The following OR6J1 variants were observed in gnomAD, a reference collection of about 807,000 sequenced individuals.
OR6J1 encodes the protein olfactory receptor family 6 subfamily J member 1, also known as olfactory receptor 6J1.
For missense variants in OR6J1, 304 were observed against 166.8 expected, an observed-to-expected ratio of 1.82 and a Z score of -4.53; for synonymous variants, 109 against 70.0, an observed-to-expected ratio of 1.56 and a Z score of -2.78.
In OR6J1 at chr14:22,633,335, T is replaced by TTACA. The variant is rs59307869; in HGVS notation, c.*432_*433insTGTA. 36,149 of 157,576 alleles carry TTACA rather than the reference T, an allele frequency of 0.23. 4,446 individuals are homozygous for TTACA. Among genetic ancestry groups the TTACA allele is most frequent in the African/African-American group, 0.32 (13,322 of 41,094 alleles). The allele number at this position is 157,576 out of a possible 1,614,324, so 9.8% of individuals were successfully genotyped here. Reference sequence around the variant, plus strand: ...TCATTGCAAATGCCCGAAAAAAAAATGGATATGATAGTGGATTAGAGAATA... The same window carrying TTACA: ...TCATTGCAAATGCCCGAAAAAAAAATTACAGGATATGATAGTGGATTAGAGAATA... On this transcript the variant is annotated 3_prime_UTR_variant, in exon 2 of 2. Coordinates refer to ENST00000540461, the MANE Select transcript of OR6J1 (RefSeq NM_001348233.2).
Position 22,643,270 on chromosome 14 carries a change from A to AT in OR6J1, c.-28+827dup, listed in dbSNP as rs558796354. Among the ~76,000 whole-genome samples the AT allele has an allele frequency of 3.1e-4, 46 of 147,564 alleles. No individual in the cohort carries two copies. The East Asian group carries it at 5.8e-3, about 19-fold the overall frequency. ...GGCGTGAGCCACCGTGCCTAGCCTA[A>AT]TTTTTTTTTTAATTAGAAAATAATT... On this transcript the variant is annotated intron_variant, in intron 1 of 1. Coordinates refer to ENST00000540461, the MANE Select transcript of OR6J1 (RefSeq NM_001348233.2).
At position 22,634,528 on chromosome 14, in the gene OR6J1, C is replaced by A. The variant is rs2037570332; in HGVS notation, c.284G>T (p.Gly95Val). 2 of 703,864 alleles carry A rather than the reference C, an allele frequency of 2.8e-6. No individual in the cohort carries two copies. 43.6% of individuals were successfully genotyped at this position (703,864 alleles called of 1,614,324 possible). Reference sequence around the variant, plus strand: ...GTAGAAATAGCACTGGGTGATACATCCGGCAAAGGAGATGGTTTTATCCCT... The same window carrying A: ...GTAGAAATAGCACTGGGTGATACATACGGCAAAGGAGATGGTTTTATCCCT... Reference protein sequence around the residue: ...GSRDKTISFAGCITQCYFYFF... With the variant: ...GSRDKTISFAVCITQCYFYFF... The change falls in exon 2 of 2, where the codon GGA becomes GTA. Residue 95 changes from glycine (G) to valine (V), a missense_variant. Coordinates refer to ENST00000540461, the MANE Select transcript of OR6J1 (RefSeq NM_001348233.2).
intron 1 of OR6J1, among the ~76,000 whole-genome samples, chr14:22,637,856 A>G (rs1163574678): frequency 2.4e-4 from 2 of 8,232 alleles, no homozygotes; most frequent in African/African-American, 1.0e-3. Flanking sequence ...TCCGGGAGGG[A>G]GGCGGGGGGG....
At chr14:22,636,773 C>T (rs1245130173) in intron 1 of OR6J1, among the ~76,000 whole-genome samples, 1 of 118,100 alleles carries the variant, frequency 8.5e-6, no homozygotes, top group African/African-American at 4.8e-5. Context: ...ACAGCCTCCA[C>T]CTCCCAGCCG....
intron 1 of OR6J1, among the ~76,000 whole-genome samples, chr14:22,640,332 T>G (rs1236734140): frequency 8.1e-3 from 475 of 58,632 alleles, no homozygotes; most frequent in African/African-American, 0.011. Flanking sequence ...GAGAGGAGGG[T>G]AGAGGGGATG....
At chr14:22,642,312 AATATATAT>A (rs71421135) in intron 1 of OR6J1, among the ~76,000 whole-genome samples, 4,229 of 109,010 alleles carry the variant, frequency 0.039, 144 homozygotes, top group South Asian at 0.054. Flanking sequence ...TCAACTTAAG[AATATATAT>A]ATATATATAT....
chr14:22,637,213 C>T (rs1416394071), intron 1 of OR6J1, among the ~76,000 whole-genome samples: 2 of 93,930 alleles, frequency 2.1e-5, no homozygotes, highest in Non-Finnish European at 4.0e-5. Flanking sequence ...CCCCTCCGTC[C>T]GGCAGCCACC....
intron 1 of OR6J1, among the ~76,000 whole-genome samples, chr14:22,636,782 C>T (rs1225331812): frequency 3.4e-5 from 4 of 118,294 alleles, no homozygotes; most frequent in South Asian, 2.4e-4. Flanking sequence ...ACCTCCCAGC[C>T]GCCTGCCTTG....
At chr14:22,641,251 A>G (rs2037645350) in intron 1 of OR6J1, among the ~76,000 whole-genome samples, 1 of 39,436 alleles carries the variant, frequency 2.5e-5, no homozygotes, top group Non-Finnish European at 5.8e-5. Flanking sequence ...GAAAGAAAGA[A>G]AGAAAGAAAG....
chr14:22,636,021 T>C (rs1316487924), intron 1 of OR6J1, among the ~76,000 whole-genome samples: 3 of 152,018 alleles, frequency 2.0e-5, no homozygotes, highest in Non-Finnish European at 4.4e-5. Flanking sequence ...AGGAAGAACA[T>C]ATTTATGCCA....
intron 1 of OR6J1, among the ~76,000 whole-genome samples, chr14:22,638,503 A>G (rs1466421000): frequency 1.1e-5 from 1 of 91,776 alleles, no homozygotes; most frequent in Admixed American, 9.8e-5. Flanking sequence ...GTACCCAGGG[A>G]CACAAACACT....
In OR6J1 at chr14:22,641,421, GAGAA is replaced by G. The variant is rs1555311024; in HGVS notation, c.-28+2673_-28+2676del. On this transcript the variant is annotated intron_variant, in intron 1 of 1. Coordinates refer to ENST00000540461, the MANE Select transcript of OR6J1 (RefSeq NM_001348233.2). Reference sequence around the variant, plus strand: ...AGAAAGGAAGGATGGAAGGAAGGAAGAGAAAGAAAGAAAGAATGAAAGAGAGAGA... The same window carrying G: ...AGAAAGGAAGGATGGAAGGAAGGAAGAGAAAGAAAGAATGAAAGAGAGAGA... Among the ~76,000 whole-genome samples the G allele has an allele frequency of 1.7e-4, 20 of 121,004 alleles. 1 individual carries two copies. The South Asian group carries it at 1.8e-3, about 11-fold the overall frequency. The allele number at this position is 121,004 out of a possible 152,430, so 79.4% of individuals were successfully genotyped here. A position where few individuals can be genotyped will look rare whatever the true frequency, so the allele number is the denominator to read the frequency against.
chr14:22,641,626 T>C (rs1033692502), intron 1 of OR6J1, among the ~76,000 whole-genome samples: 12 of 151,994 alleles, frequency 7.9e-5, no homozygotes, highest in Non-Finnish European at 1.5e-5. Context: ...CATAGTTGGA[T>C]TGAAAATGTA....
At position 22,631,048 on chromosome 14, in the gene OR6J1, C is replaced by T. The variant is rs1167156371; in HGVS notation, c.*2720G>A. On this transcript the variant is annotated 3_prime_UTR_variant, in exon 2 of 2. Transcript: ENST00000540461. ...GACTTTCAAAAGGGGAGGGAGTGTA[C>T]GAATAGGTGTGGGTCACAGAGGTCA... The T allele has an allele frequency of 3.3e-5, 5 of 151,984 alleles. No homozygotes were observed. Among genetic ancestry groups the T allele is most frequent in the South Asian group, 2.1e-4 (1 of 4,804 alleles). The allele number at this position is 151,984 out of a possible 1,614,324, so 9.4% of individuals were successfully genotyped here. A position where few individuals can be genotyped will look rare whatever the true frequency, so the allele number is the denominator to read the frequency against.
At chr14:22,640,239 A>T (rs1374524968) in intron 1 of OR6J1, among the ~76,000 whole-genome samples, 1 of 103,694 alleles carries the variant, frequency 9.6e-6, no homozygotes, top group Admixed American at 1.0e-4. Flanking sequence ...GGAAGGAAGG[A>T]TGGAAGGAAG....
chr14:22,636,564 C>T (rs1186600489), intron 1 of OR6J1, among the ~76,000 whole-genome samples: 5 of 117,612 alleles, frequency 4.3e-5, no homozygotes, highest in African/African-American at 1.4e-4. Context: ...GCGCACGCCG[C>T]CACGCCTCAC....
Position 22,634,655 on chromosome 14 carries a change from G to T in OR6J1, c.157C>A (p.Arg53Ser), listed in dbSNP as rs774906820. The change falls in exon 2 of 2, where the codon CGC (arginine) becomes AGC (serine). Residue 53 changes from arginine (R) to serine (S), a missense_variant. Coordinates refer to ENST00000540461, the MANE Select transcript of OR6J1 (RefSeq NM_001348233.2). ...AAGAAGTACATGGGGGTGTGGAGGCGGGAGCAGGACAGCACAGTGGAGATG... is the reference window on the plus strand; with the variant it reads ...AAGAAGTACATGGGGGTGTGGAGGCTGGAGCAGGACAGCACAGTGGAGATG... ...LIISTVLSCSRLHTPMYFFLC... is the reference protein window; with the variant it reads ...LIISTVLSCSSLHTPMYFFLC... The T allele has an allele frequency of 1.3e-6, 1 of 743,790 alleles. No individual in the cohort carries two copies. Among genetic ancestry groups the T allele is most frequent in the East Asian group, 2.5e-5 (1 of 40,062 alleles). The allele number at this position is 743,790 out of a possible 1,614,324, so 46.1% of individuals were successfully genotyped here.
chr14:22,637,859 C>T (rs1413022102), intron 1 of OR6J1, among the ~76,000 whole-genome samples: 1 of 12,992 alleles, frequency 7.7e-5, no homozygotes, highest in Non-Finnish European at 1.4e-4. Flanking sequence ...GGGAGGGAGG[C>T]GGGGGGGGTG....
intron 1 of OR6J1, among the ~76,000 whole-genome samples, chr14:22,640,978 G>C (rs1415444452): frequency 6.6e-6 from 1 of 151,184 alleles, no homozygotes; most frequent in African/African-American, 2.4e-5. Flanking sequence ...AGACTAGCCT[G>C]GGCAACATGG....
Sources: allele counts gnomAD v4.1 joint callset (sites outside exome capture counted in the v4.1 genomes callset), GRCh38; gene constraint gnomAD v4.1.1; transcripts MANE v1.5; gene names NCBI Gene and HGNC (gene_info 2026-07-23, HGNC 2026-07-21).